PDE1A: variants seen among roughly 807,000 people sequenced by gnomAD.
PDE1A encodes the protein dual specificity calcium/calmodulin-dependent 3',5'-cyclic nucleotide phosphodiesterase 1A.
In PDE1A, 35 loss-of-function variants were observed where a neutral mutation model predicts 61.7. That is an observed-to-expected ratio of 0.57 (90% CI 0.43 to 0.75). PDE1A has a LOEUF of 0.75. Among genes scored for constraint, PDE1A ranks in the 30% least tolerant of loss-of-function variants. PDE1A has a pLI of 0.00. For missense variants in PDE1A, 597 were observed against 630.6 expected (o/e 0.95, Z 0.57); for synonymous variants, 232 against 213.2 (o/e 1.09, Z -0.77).
At chr2:182,247,630 A>G (rs1241790910) in intron 2 of PDE1A, among the ~76,000 whole-genome samples, 5 of 152,158 alleles carry the variant, frequency 3.3e-5, no homozygotes, top group African/African-American at 7.2e-5. Context: ...TCATCTGACC[A>G]CGCTAGACAG....
chr2:182,405,314 TAAG>T (rs1040281475), intron 1 of PDE1A, among the ~76,000 whole-genome samples: 2 of 152,172 alleles, frequency 1.3e-5, no homozygotes, highest in Admixed American at 6.5e-5. Flanking sequence ...GTCATTTACA[TAAG>T]AAGAACAAGA....
At chr2:182,657,221 CA>C in the PDE1A span, among the ~76,000 whole-genome samples, 1 of 151,656 alleles carries the variant, frequency 6.6e-6, no homozygotes, top group South Asian at 2.1e-4. Context: ...GACTCCGTCT[CA>C]AAAAAAACCC....
At chr2:182,693,932 C>T in the PDE1A span, among the ~76,000 whole-genome samples, 1 of 152,172 alleles carries the variant, frequency 6.6e-6, no homozygotes, top group Non-Finnish European at 1.5e-5. Flanking sequence ...CAGGCATGAG[C>T]CACTGCACCT....
At chr2:182,642,727 A>G in the PDE1A span, among the ~76,000 whole-genome samples, 1 of 152,176 alleles carries the variant, frequency 6.6e-6, no homozygotes, top group Non-Finnish European at 1.5e-5. Flanking sequence ...TATCTAACCT[A>G]GTAGAATTAA....
At chr2:182,676,600 A>C in the PDE1A span, among the ~76,000 whole-genome samples, 97 of 152,258 alleles carry the variant, frequency 6.4e-4, no homozygotes, top group African/African-American at 2.3e-3. Flanking sequence ...AAATCTGACA[A>C]AGACACAACA....
intron 2 of PDE1A, among the ~76,000 whole-genome samples, chr2:182,444,690 G>A (rs1019422189): frequency 6.6e-6 from 1 of 151,632 alleles, no homozygotes; most frequent in Non-Finnish European, 1.5e-5. Context: ...TGGCAGCTCA[G>A]TAGTAATGGG....
Position 182,201,575 on chromosome 2 carries a change from C to T in PDE1A, c.1005-16G>A. 2 of 1,593,602 alleles carry T rather than the reference C, an allele frequency of 1.3e-6. No individual in the cohort carries two copies. The highest frequency in any genetic ancestry group is 2.3e-5 in the East Asian group (1 of 43,396). Reference sequence around the variant, plus strand: ...TCTGTCAATCCTGTCAAACCAAGGACATGCTTATATTATTCAAAACAAAGG... The same window carrying T: ...TCTGTCAATCCTGTCAAACCAAGGATATGCTTATATTATTCAAAACAAAGG... On this transcript the variant is annotated splice_polypyrimidine_tract_variant and intron_variant, in intron 9 of 13. Transcript: ENST00000351439.
At chr2:182,256,038 C>CTTTTTT (rs755211798) in intron 2 of PDE1A, among the ~76,000 whole-genome samples, 9 of 92,332 alleles carry the variant, frequency 9.7e-5, no homozygotes, top group East Asian at 3.3e-4. Flanking sequence ...AGGATGACTT[C>CTTTTTT]TTTTTTTTTT....
chr2:182,221,012 CAG>C (rs1491581599), intron 7 of PDE1A, among the ~76,000 whole-genome samples: 1 of 151,904 alleles, frequency 6.6e-6, no homozygotes, highest in African/African-American at 2.4e-5. Flanking sequence ...CATTTTTATA[CAG>C]AGTTTTAAAA....
chr2:182,269,728 A>C (rs996044832), intron 1 of PDE1A, among the ~76,000 whole-genome samples: 2 of 152,094 alleles, frequency 1.3e-5, no homozygotes, highest in African/African-American at 4.8e-5. Flanking sequence ...TAGTTGTTTA[A>C]GAATGAAGAA....
the PDE1A span, among the ~76,000 whole-genome samples, chr2:182,592,035 T>C: frequency 6.6e-6 from 1 of 152,190 alleles, no homozygotes; most frequent in Non-Finnish European, 1.5e-5. Context: ...GGTGGGTGTA[T>C]GCCTGATTAG....
chr2:182,336,578 T>C (rs1250990830), intron 1 of PDE1A, among the ~76,000 whole-genome samples: 1 of 151,792 alleles, frequency 6.6e-6, no homozygotes, highest in Non-Finnish European at 1.5e-5. Flanking sequence ...TGAGAACACA[T>C]GGACATAAGG....
At chr2:182,600,149 A>G in the PDE1A span, among the ~76,000 whole-genome samples, 1 of 152,218 alleles carries the variant, frequency 6.6e-6, no homozygotes, top group African/African-American at 2.4e-5. Flanking sequence ...GGGTAGTTTT[A>G]TAAGAGCTGA....
intron 2 of PDE1A, among the ~76,000 whole-genome samples, chr2:182,433,436 C>A (rs978064312): frequency 1.3e-5 from 2 of 152,078 alleles, no homozygotes; most frequent in African/African-American, 4.8e-5. Flanking sequence ...CTCCTGCATA[C>A]CTTTCATCCA....
chr2:182,296,020 C>T (rs566123535), intron 1 of PDE1A, among the ~76,000 whole-genome samples: 1 of 152,178 alleles, frequency 6.6e-6, no homozygotes, highest in African/African-American at 2.4e-5. Flanking sequence ...TCTGAGTTCA[C>T]AATTGGTTGA....
At chr2:182,171,344 T>C (rs1334346263) in intron 13 of PDE1A, among the ~76,000 whole-genome samples, 1 of 151,988 alleles carries the variant, frequency 6.6e-6, no homozygotes, top group African/African-American at 2.4e-5. Flanking sequence ...CAGTATTGCA[T>C]ATTATGTATG....
the PDE1A span, among the ~76,000 whole-genome samples, chr2:182,596,326 G>A: frequency 6.6e-6 from 1 of 152,172 alleles, no homozygotes; most frequent in African/African-American, 2.4e-5. Context: ...AGAGCACAGA[G>A]TGATCAAGAC....
the PDE1A span, among the ~76,000 whole-genome samples, chr2:182,661,099 T>C: frequency 6.6e-6 from 1 of 152,242 alleles, no homozygotes; most frequent in African/African-American, 2.4e-5. Context: ...TTACGCCTAG[T>C]GAGTTGACAT....
the PDE1A span, among the ~76,000 whole-genome samples, chr2:182,541,311 C>A: frequency 5.4e-4 from 82 of 152,300 alleles, no homozygotes; most frequent in Middle Eastern, 0.01. Flanking sequence ...TGCTAATGAT[C>A]TAAACACTTA....
Sources: gnomAD v4.1 joint callset for allele counts (sites outside exome capture counted in the v4.1 genomes callset) on GRCh38, gnomAD v4.1.1 for gene constraint, MANE v1.5 for transcripts, NCBI Gene and HGNC (gene_info 2026-07-23, HGNC 2026-07-21) for gene names.